BABAM2: variants seen among roughly 807,000 people sequenced by gnomAD.
BABAM2 encodes the protein BRISC and BRCA1-A complex member 2.
Under a neutral mutation model 54.7 loss-of-function variants are expected in BABAM2, and 31 were observed. That is an observed-to-expected ratio of 0.57 (90% confidence interval 0.43 to 0.77). The LOEUF is 0.77. BABAM2 is among the 30% of genes least tolerant of loss of function. BABAM2 has a pLI of 0.00. For synonymous variants in BABAM2, 167 were observed against 162.9 expected (o/e 1.03, Z -0.19); for missense variants, 364 against 455.8 (o/e 0.80, Z 1.83).
chr2:28,168,567 A>G (rs1410028391), intron 7 of BABAM2, among the ~76,000 whole-genome samples: 4 of 152,208 alleles, frequency 2.6e-5, no homozygotes, highest in Non-Finnish European at 5.9e-5. Context: ...AGGGGCATAT[A>G]AAAAGGAAGT....
chr2:28,288,999 G>A (rs1487529195), intron 10 of BABAM2, among the ~76,000 whole-genome samples: 3 of 146,074 alleles, frequency 2.1e-5, no homozygotes, highest in Non-Finnish European at 4.5e-5. Context: ...CAGTTTTCCT[G>A]ACCCTCTTAG....
At chr2:27,978,463 T>C (rs1427406945) in intron 3 of BABAM2, among the ~76,000 whole-genome samples, 2 of 152,206 alleles carry the variant, frequency 1.3e-5, no homozygotes, top group African/African-American at 4.8e-5. Context: ...CAAACTCTAT[T>C]GCTTGAACTT....
intron 7 of BABAM2, among the ~76,000 whole-genome samples, chr2:28,132,140 TTC>T (rs1371566881): frequency 7.4e-4 from 106 of 142,564 alleles, no homozygotes; most frequent in African/African-American, 2.9e-3. Context: ...TTTCTTCTTC[TTC>T]TTTTTTTTTT....
chr2:28,173,058 C>G (rs917039075), intron 7 of BABAM2, among the ~76,000 whole-genome samples: 1 of 152,086 alleles, frequency 6.6e-6, no homozygotes, highest in Non-Finnish European at 1.5e-5. Context: ...AGACACTAAT[C>G]CCATTGAACC....
intron 10 of BABAM2, among the ~76,000 whole-genome samples, chr2:28,258,166 G>A (rs1684129007): frequency 1.3e-5 from 2 of 152,204 alleles, no homozygotes; most frequent in Admixed American, 6.5e-5. Context: ...AGCAGAGCGA[G>A]ACTGTGTCTC....
At chr2:28,152,256 T>C (rs1428806477) in intron 7 of BABAM2, among the ~76,000 whole-genome samples, 4 of 152,212 alleles carry the variant, frequency 2.6e-5, no homozygotes, top group Admixed American at 2.6e-4. Flanking sequence ...ACAGCCCCTC[T>C]GCCCTGGGCC....
intron 9 of BABAM2, among the ~76,000 whole-genome samples, chr2:28,242,674 C>T (rs778095929): frequency 1.3e-5 from 2 of 152,076 alleles, no homozygotes; most frequent in Non-Finnish European, 2.9e-5. Context: ...AATGATTTGT[C>T]ACCCTCTGGG....
intron 3 of BABAM2, among the ~76,000 whole-genome samples, chr2:27,937,152 C>T (rs1668544675): frequency 1.3e-5 from 2 of 152,080 alleles, no homozygotes; most frequent in African/African-American, 4.8e-5. Flanking sequence ...ATGTCTTTGC[C>T]TTATGTTTGT....
chr2:28,188,505 T>A (rs1182602383), intron 7 of BABAM2, among the ~76,000 whole-genome samples: 1 of 152,144 alleles, frequency 6.6e-6, no homozygotes, highest in African/African-American at 2.4e-5. Flanking sequence ...AAGGGTAAAA[T>A]TTGGCCTATG....
At chr2:28,204,875 G>A (rs141754736) in intron 7 of BABAM2, among the ~76,000 whole-genome samples, 10 of 151,884 alleles carry the variant, frequency 6.6e-5, no homozygotes, top group East Asian at 5.8e-4. Context: ...GCAGCCCCCC[G>A]TATGGGCCTG....
intron 7 of BABAM2, among the ~76,000 whole-genome samples, chr2:28,171,651 G>A (rs1209070087): frequency 6.6e-6 from 1 of 152,136 alleles, no homozygotes; most frequent in Non-Finnish European, 1.5e-5. Context: ...TCCATGTTTA[G>A]TGCTTTATGC....
intron 9 of BABAM2, among the ~76,000 whole-genome samples, chr2:28,242,807 C>T (rs1024902548): frequency 2.6e-5 from 4 of 152,206 alleles, no homozygotes; most frequent in Admixed American, 2.0e-4. Context: ...GTGTCAATAA[C>T]CAAACAGTAT....
chr2:28,028,433 A>T (rs891344145), intron 5 of BABAM2, among the ~76,000 whole-genome samples: 1 of 149,524 alleles, frequency 6.7e-6, no homozygotes, highest in East Asian at 2.0e-4. Flanking sequence ...GCAGAATTAC[A>T]TAGGAATGTG....
At chr2:27,933,131 A>G (rs543525146) in intron 3 of BABAM2, among the ~76,000 whole-genome samples, 15 of 152,324 alleles carry the variant, frequency 9.8e-5, no homozygotes, top group South Asian at 6.2e-4. Context: ...CTGTTACCCT[A>G]TATCCTCTCA....
intron 2 of BABAM2, among the ~76,000 whole-genome samples, chr2:27,897,716 TC>T (rs1371936132): frequency 6.6e-6 from 1 of 152,042 alleles, no homozygotes; most frequent in Non-Finnish European, 1.5e-5. Context: ...CAGACAGACT[TC>T]CCCAGCTTAT....
At chr2:28,002,959 C>G (rs866556535) in intron 4 of BABAM2, among the ~76,000 whole-genome samples, 3 of 151,986 alleles carry the variant, frequency 2.0e-5, no homozygotes, top group African/African-American at 7.2e-5. Flanking sequence ...TAAACGGCCA[C>G]AAAATATAAT....
At chr2:28,021,096 T>C (rs568736077) in intron 4 of BABAM2, among the ~76,000 whole-genome samples, 2 of 152,288 alleles carry the variant, frequency 1.3e-5, no homozygotes, top group African/African-American at 4.8e-5. Context: ...TAATTTAAGA[T>C]ATAAACATTG....
chr2:28,200,207 C>T (rs1039433150), intron 7 of BABAM2, among the ~76,000 whole-genome samples: 2 of 152,200 alleles, frequency 1.3e-5, no homozygotes, highest in African/African-American at 4.8e-5. Context: ...TGTATTTCTT[C>T]ACTGAATTCC....
chr2:28,067,510 A>G (rs1573511670), intron 6 of BABAM2, among the ~76,000 whole-genome samples: 2 of 152,214 alleles, frequency 1.3e-5, no homozygotes, highest in African/African-American at 4.8e-5. Context: ...ATGGCATTAT[A>G]CAACGGTCAC....
Sources: gnomAD v4.1 joint callset for allele counts (sites outside exome capture counted in the v4.1 genomes callset) on GRCh38, gnomAD v4.1.1 for gene constraint, MANE v1.5 for transcripts, NCBI Gene and HGNC (gene_info 2026-07-23, HGNC 2026-07-21) for gene names.